MTPN: variants seen among roughly 807,000 people sequenced by gnomAD.
MTPN encodes granule cell differentiation protein.
In MTPN, 2 loss-of-function variants were observed where a neutral mutation model predicts 13.5. The ratio of observed to expected loss-of-function variants is 0.15; its 90% CI spans 0.06 to 0.47. The LOEUF is 0.47. Among genes scored for constraint, MTPN ranks in the 20% least tolerant of loss-of-function variants. The pLI is 0.97. For missense variants in MTPN, 79 were observed against 137.9 expected, an observed-to-expected ratio of 0.57 and a Z score of 2.14; for synonymous variants, 46 against 51.7, an observed-to-expected ratio of 0.89 and a Z score of 0.48.
chr7:135,973,610 T>A (rs1452455932), intron 1 of MTPN, among the ~76,000 whole-genome samples: 1 of 152,100 alleles, frequency 6.6e-6, no homozygotes, highest in Non-Finnish European at 1.5e-5. Flanking sequence ...AAGTCAAAAA[T>A]AATGTCACCC....
chr7:135,943,535 G>C (rs6969648), intron 3 of MTPN, among the ~76,000 whole-genome samples: 3,610 of 152,258 alleles, frequency 0.024, 139 homozygotes, highest in African/African-American at 0.083. Flanking sequence ...TCAGCAGACT[G>C]AATTTCAGTA....
At chr7:135,951,129 A>C (rs1799358830) in intron 2 of MTPN, among the ~76,000 whole-genome samples, 2 of 152,190 alleles carry the variant, frequency 1.3e-5, no homozygotes, top group Non-Finnish European at 2.9e-5. Flanking sequence ...GACTGCGCTT[A>C]TCTGACCACT....
At chr7:135,947,319 C>G (rs1167486695) in intron 3 of MTPN, among the ~76,000 whole-genome samples, 2 of 152,156 alleles carry the variant, frequency 1.3e-5, no homozygotes, top group Non-Finnish European at 2.9e-5. Flanking sequence ...ACAATACTCT[C>G]TTGCTCTTAT....
intron 3 of MTPN, among the ~76,000 whole-genome samples, chr7:135,948,742 TAGG>T (rs1799320000): frequency 6.6e-6 from 1 of 152,214 alleles, no homozygotes; most frequent in South Asian, 2.1e-4. Context: ...TTGTTTTTCC[TAGG>T]AGGACAGAGA....
chr7:135,962,149 A>G (rs921494324), intron 1 of MTPN, among the ~76,000 whole-genome samples: 1 of 152,012 alleles, frequency 6.6e-6, no homozygotes, highest in African/African-American at 2.4e-5. Context: ...GAACAAAGAA[A>G]ACTTCAATAC....
At chr7:135,952,465 A>G (rs571027514) in intron 1 of MTPN, among the ~76,000 whole-genome samples, 1 of 152,224 alleles carries the variant, frequency 6.6e-6, no homozygotes, top group Non-Finnish European at 1.5e-5. Flanking sequence ...TAATCTTCAA[A>G]CTACCCCAAG....
intron 1 of MTPN, among the ~76,000 whole-genome samples, chr7:135,954,412 C>T (rs566447953): frequency 7.2e-5 from 11 of 152,192 alleles, no homozygotes; most frequent in Admixed American, 5.9e-4. Context: ...ATAGTAAGGG[C>T]GAACTAGCAT....
chr7:135,946,569 C>T (rs931255811), intron 3 of MTPN, among the ~76,000 whole-genome samples: 2 of 152,162 alleles, frequency 1.3e-5, no homozygotes, highest in African/African-American at 4.8e-5. Flanking sequence ...GGCAATGTTA[C>T]ATCAGTGACC....
rs759321695 is a variant in MTPN at position 135,930,031 on chromosome 7, G to A, written c.271-19C>T. ...CAGCACCCTGGAAAAGAGAGGAAAGGGCTCATTAAATGAGCCCACAACTGG... is the reference window on the plus strand; with the variant it reads ...CAGCACCCTGGAAAAGAGAGGAAAGAGCTCATTAAATGAGCCCACAACTGG... On this transcript the variant is annotated intron_variant, in intron 3 of 3. Transcript: ENST00000393085. 3.1e-6 allele frequency: 5 copies of A among 1,605,452 alleles called. No individual in the cohort carries two copies. Among genetic ancestry groups the A allele is most frequent in the East Asian group, 2.2e-5 (1 of 44,854 alleles).
chr7:135,965,958 G>A (rs935848376), intron 1 of MTPN, among the ~76,000 whole-genome samples: 2 of 152,126 alleles, frequency 1.3e-5, no homozygotes, highest in Non-Finnish European at 2.9e-5. Flanking sequence ...TGTGATAACT[G>A]TTGAGGATAC....
rs539778907 is a variant in MTPN, at chr7:135,949,575, GA to G, written c.270+1023del. On this transcript the variant is annotated intron_variant, in intron 3 of 3. Transcript: ENST00000393085. ...TGTGGTTAACATGAAGCTATGGATA[GA>G]AAAAACCCTAGCTCTATTTAGAGGA... Among the ~76,000 whole-genome samples the G allele has an allele frequency of 7.9e-5, 12 of 152,254 alleles. No homozygotes were observed. In the East Asian group the frequency reaches 1.9e-3, roughly 24 times the overall value.
intron 1 of MTPN, among the ~76,000 whole-genome samples, chr7:135,970,764 T>A (rs1486175103): frequency 6.6e-6 from 1 of 152,128 alleles, no homozygotes; most frequent in East Asian, 1.9e-4. Flanking sequence ...TTTTATATAT[T>A]TTTTAAAATG....
intron 3 of MTPN, chr7:135,932,249 A>AAGTT (rs1268329345): frequency 6.6e-6 from 1 of 152,076 alleles, no homozygotes; most frequent in Non-Finnish European, 1.5e-5. Flanking sequence ...AGAATATAAG[A>AAGTT]AGTTAGAACT....
intron 3 of MTPN, among the ~76,000 whole-genome samples, chr7:135,942,373 T>C (rs1799228724): frequency 1.3e-5 from 2 of 152,232 alleles, no homozygotes; most frequent in South Asian, 4.1e-4. Flanking sequence ...GAACTCATGA[T>C]GTGCTCGGCA....
intron 3 of MTPN, among the ~76,000 whole-genome samples, chr7:135,946,520 T>C (rs540527020): frequency 1.3e-5 from 2 of 152,336 alleles, no homozygotes; most frequent in East Asian, 3.9e-4. Flanking sequence ...GAAGTTTTAC[T>C]GGGATGCAGC....
At chr7:135,939,653 A>G (rs1166449066) in intron 3 of MTPN, among the ~76,000 whole-genome samples, 1 of 142,036 alleles carries the variant, frequency 7.0e-6, no homozygotes, top group Non-Finnish European at 1.5e-5. Context: ...CCAGTCACTT[A>G]GCCTTGGACT....
chr7:135,940,502 T>C (rs1382700721), intron 3 of MTPN, among the ~76,000 whole-genome samples: 1 of 152,210 alleles, frequency 6.6e-6, no homozygotes, highest in Non-Finnish European at 1.5e-5. Flanking sequence ...TTTGAGTTTT[T>C]AATGTAACAG....
intron 3 of MTPN, among the ~76,000 whole-genome samples, chr7:135,933,063 C>A (rs1799049487): frequency 7.0e-6 from 1 of 142,628 alleles, no homozygotes; most frequent in African/African-American, 2.7e-5. Flanking sequence ...ATGCTGCACT[C>A]CAGCTTGGGC....
At chr7:135,972,229 G>GCACACA (rs1554395884) in intron 1 of MTPN, among the ~76,000 whole-genome samples, 1 of 117,364 alleles carries the variant, frequency 8.5e-6, no homozygotes, top group African/African-American at 3.3e-5. Context: ...GCGCACGCGC[G>GCACACA]CGCACACACA....
Sources: gnomAD v4.1 joint callset for allele counts (sites outside exome capture counted in the v4.1 genomes callset) on GRCh38, gnomAD v4.1.1 for gene constraint, MANE v1.5 for transcripts, NCBI Gene and HGNC (gene_info 2026-07-23, HGNC 2026-07-21) for gene names.